Variants in AGTPBP1 observed in about 807,000 individuals in gnomAD.
The protein encoded by AGTPBP1 is cytosolic carboxypeptidase 1.
AGTPBP1 carries 70 observed loss-of-function variants against 143.9 expected under a neutral mutation model. The observed-to-expected ratio is 0.49, with a 90% CI of 0.40 to 0.59. AGTPBP1 has a LOEUF of 0.59. AGTPBP1 is among the 20% of genes least tolerant of loss of function. The pLI is 0.00. For synonymous variants in AGTPBP1, 463 were observed against 500.2 expected (o/e 0.93, Z 0.99); for missense variants, 1,229 against 1,464.5 (o/e 0.84, Z 2.62).
At chr9:85,741,671 G>C in intron 1 of AGTPBP1, 104 bp downstream of exon 1, 5 of 1,255,014 alleles carry the variant, frequency 4.0e-6, no homozygotes, top group Non-Finnish European at 5.0e-6. Context: ...AGGGATCCGG[G>C]GTCGCCCCTC....
chr9:85,589,018 GCT>G (rs1828787487), intron 20 of AGTPBP1, among the ~76,000 whole-genome samples: 1 of 149,242 alleles, frequency 6.7e-6, no homozygotes, highest in East Asian at 1.9e-4. Flanking sequence ...TACACAATAA[GCT>G]CTGTTTCCTG....
intron 12 of AGTPBP1, among the ~76,000 whole-genome samples, chr9:85,643,868 G>A (rs745580264): frequency 7.9e-5 from 12 of 152,066 alleles, no homozygotes; most frequent in Non-Finnish European, 1.6e-4. Flanking sequence ...TATTATCTTT[G>A]TTATGGCTGA....
intron 8 of AGTPBP1, among the ~76,000 whole-genome samples, chr9:85,662,419 C>T (rs1408460373): frequency 6.6e-6 from 1 of 152,078 alleles, no homozygotes; most frequent in African/African-American, 2.4e-5. Context: ...ATTTTCATTG[C>T]ATTGAATTAT....
chr9:85,623,079 A>G (rs1831044761), intron 14 of AGTPBP1, among the ~76,000 whole-genome samples: 1 of 152,166 alleles, frequency 6.6e-6, no homozygotes, highest in East Asian at 1.9e-4. Context: ...CGGGCCCGAC[A>G]GGGGCCAGCA....
In AGTPBP1 at chr9:85,706,170, T is replaced by A. The variant is rs1249805247; in HGVS notation, c.32+6332A>T. ...AAACAGGAAGAAATATTCATTAATC[T>A]AAGAGAAGGAAGAAAAGGAGGAAGA... On this transcript the variant is annotated intron_variant, in intron 2 of 25. Coordinates refer to ENST00000357081, the MANE Select transcript of AGTPBP1 (RefSeq NM_001330701.2). Among the ~76,000 whole-genome samples the A allele has an allele frequency of 2.6e-5, 4 of 151,104 alleles. No individual in the cohort carries two copies. The Admixed American group carries it at 2.7e-4, about 10-fold the overall frequency.
At chr9:85,656,831 C>A (rs1833539985) in intron 10 of AGTPBP1, among the ~76,000 whole-genome samples, 1 of 152,184 alleles carries the variant, frequency 6.6e-6, no homozygotes, top group Admixed American at 6.5e-5. Context: ...GACAACAGAG[C>A]TGCTCTACAG....
At chr9:85,715,998 C>A (rs1470900291) in intron 1 of AGTPBP1, among the ~76,000 whole-genome samples, 1 of 152,036 alleles carries the variant, frequency 6.6e-6, no homozygotes, top group East Asian at 1.9e-4. Context: ...TTCTCGCTCC[C>A]AATTCAGCTA....
rs2133711143 is a variant in AGTPBP1, at chr9:85,633,046, G to A, written c.1631C>T (p.Ser544Phe). 6.2e-7 allele frequency: 1 copy of A among 1,614,160 alleles called. No homozygotes were observed. The highest frequency in any genetic ancestry group is 1.1e-5 in the South Asian group (1 of 91,086). Residue 544 changes from serine (S) to phenylalanine (F), a missense_variant, in exon 14 of 26, where the codon TCT becomes TTT. Coordinates refer to ENST00000357081, the MANE Select transcript of AGTPBP1 (RefSeq NM_001330701.2). The stretch of plus-strand genomic sequence containing the variant: ...TGCAGTAAAACCTGGGGCTGTTTGA[G>A]AAGGAATATTCTGCAATGTAATTCG... ...LDRITLQNIP[S>F]QTAPGFTAEM...
At chr9:85,629,396 G>A (rs1469024365) in intron 14 of AGTPBP1, among the ~76,000 whole-genome samples, 1 of 152,190 alleles carries the variant, frequency 6.6e-6, no homozygotes, top group South Asian at 2.1e-4. Context: ...GAGAAGGTTG[G>A]AGAAGAGTCA....
intron 6 of AGTPBP1, among the ~76,000 whole-genome samples, chr9:85,673,122 A>G (rs1256151348): frequency 3.3e-5 from 5 of 152,202 alleles, no homozygotes; most frequent in Non-Finnish European, 7.3e-5. Context: ...TATGAAATAT[A>G]AAGTTGGCCT....
At chr9:85,768,418 A>G in the AGTPBP1 span, among the ~76,000 whole-genome samples, 1 of 152,224 alleles carries the variant, frequency 6.6e-6, no homozygotes, top group East Asian at 1.9e-4. Flanking sequence ...CAGGTCCTCA[A>G]ATTACATTGT....
At chr9:85,696,574 A>G (rs1017103252) in intron 2 of AGTPBP1, among the ~76,000 whole-genome samples, 5 of 152,072 alleles carry the variant, frequency 3.3e-5, no homozygotes, top group African/African-American at 1.2e-4. Flanking sequence ...AGGCTGAGGC[A>G]GGAGAATTGC....
the AGTPBP1 span, chr9:85,786,273 C>A: frequency 6.3e-7 from 1 of 1,595,408 alleles, no homozygotes; most frequent in Non-Finnish European, 8.6e-7. Context: ...GGGAAGATAT[C>A]CCAGAATTAC....
intron 17 of AGTPBP1, among the ~76,000 whole-genome samples, chr9:85,615,736 C>G (rs1459786654): frequency 6.6e-6 from 1 of 151,900 alleles, no homozygotes; most frequent in Non-Finnish European, 1.5e-5. Context: ...TTTTAATTTA[C>G]TTACTTTCTC....
chr9:85,547,274 A>G lies in AGTPBP1; in HGVS notation c.3516T>C (p.Tyr1172=), dbSNP rs150752721. The G allele has an allele frequency of 1.9e-6, 3 of 1,610,322 alleles. No individual in the cohort carries two copies. Among genetic ancestry groups the G allele is most frequent in the African/African-American group, 1.3e-5 (1 of 74,714 alleles). Residue 1172 remains tyrosine (Y), a synonymous_variant, in exon 26 of 26, where the codon TAT becomes TAC. Transcript: ENST00000357081. ...SSCKVTSPTT[Y]VLDEDEPRFL... ...ATCGAGGTTCATCTTCATCCAAGAC[A>G]TAAGTGGTAGGGCTGCAGCCAAAAC...
At chr9:85,761,407 TA>T in the AGTPBP1 span, among the ~76,000 whole-genome samples, 11 of 152,310 alleles carry the variant, frequency 7.2e-5, no homozygotes, top group African/African-American at 2.6e-4. Flanking sequence ...AACAGCATGG[TA>T]CTGGTACCAA....
intron 8 of AGTPBP1, among the ~76,000 whole-genome samples, chr9:85,668,882 T>G (rs977182431): frequency 1.3e-5 from 2 of 150,968 alleles, no homozygotes; most frequent in African/African-American, 4.9e-5. Flanking sequence ...AAGAAAATAT[T>G]AAACTGTAAC....
intron 1 of AGTPBP1, among the ~76,000 whole-genome samples, chr9:85,718,141 G>A (rs1007346897): frequency 4.6e-5 from 7 of 152,094 alleles, no homozygotes; most frequent in African/African-American, 1.2e-4. Flanking sequence ...ATAAACATAC[G>A]TATGCATGTG....
the AGTPBP1 span, among the ~76,000 whole-genome samples, chr9:85,767,762 C>T: frequency 6.6e-6 from 1 of 152,072 alleles, no homozygotes. Context: ...GTTTACAGGC[C>T]TTGAGCCACC....
Sources: gnomAD v4.1 joint callset for allele counts (sites outside exome capture counted in the v4.1 genomes callset) on GRCh38, gnomAD v4.1.1 for gene constraint, MANE v1.5 for transcripts, NCBI Gene and HGNC (gene_info 2026-07-23, HGNC 2026-07-21) for gene names.